Variants in NRXN3 observed in about 807,000 individuals in gnomAD.
NRXN3 encodes the protein neurexin III.
In NRXN3, 32 loss-of-function variants were observed where a neutral mutation model predicts 137.6. That is an observed-to-expected ratio of 0.23 (90% CI 0.18 to 0.31). The LOEUF (loss-of-function observed/expected upper bound fraction) is 0.31, where lower values mean the gene tolerates loss of function less well. NRXN3 is among the 10% of genes least tolerant of loss of function. The pLI is 1.00. For missense variants in NRXN3, 1,574 were observed against 2,062.5 expected (o/e 0.76, Z 4.59); for synonymous variants, 798 against 784.5 (o/e 1.02, Z -0.29).
chr14:78,996,774 C>A (rs964151349), intron 15 of NRXN3, among the ~76,000 whole-genome samples: 1 of 151,976 alleles, frequency 6.6e-6, no homozygotes, highest in Non-Finnish European at 1.5e-5. Context: ...TCCCAGAAGG[C>A]GAGACAGATG....
At chr14:79,731,227 T>G (rs1443740456) in intron 19 of NRXN3, among the ~76,000 whole-genome samples, 1 of 152,160 alleles carries the variant, frequency 6.6e-6, no homozygotes, top group Non-Finnish European at 1.5e-5. Context: ...TTTCCCAGAT[T>G]ACAACAATGC....
At chr14:78,977,602 A>G (rs1437574529) in intron 14 of NRXN3, among the ~76,000 whole-genome samples, 1 of 152,174 alleles carries the variant, frequency 6.6e-6, no homozygotes, top group Non-Finnish European at 1.5e-5. Context: ...GTTGAGGAAG[A>G]AGGCTTCATG....
chr14:79,162,937 C>G (rs1052277013), intron 15 of NRXN3, among the ~76,000 whole-genome samples: 3 of 151,846 alleles, frequency 2.0e-5, no homozygotes, highest in Admixed American at 2.0e-4. Context: ...TCCTCCCATT[C>G]TTTTATTTCT....
chr14:79,820,605 C>T (rs1448997628), intron 20 of NRXN3, among the ~76,000 whole-genome samples: 1 of 152,144 alleles, frequency 6.6e-6, no homozygotes, highest in African/African-American at 2.4e-5. Flanking sequence ...ATCATTTGAT[C>T]ATCTAGGTAT....
At position 78,551,201 on chromosome 14, in the gene NRXN3, A is replaced by G. The variant is rs137997025; in HGVS notation, c.758-93919A>G. 3.0e-3 allele frequency among the ~76,000 whole-genome samples: 455 copies of G among 152,354 alleles called. 3 individuals are homozygous for G. The highest frequency in any genetic ancestry group is 0.01 in the African/African-American group (426 of 41,590). On this transcript the variant is annotated intron_variant, in intron 4 of 20. Transcript: ENST00000335750. ...CCTCCATGTAATCAGAGAAGGGTCC[A>G]CTTAAGGCTCTATTGGCATTTGCTG...
intron 15 of NRXN3, among the ~76,000 whole-genome samples, chr14:79,454,462 C>T (rs1253005896): frequency 2.0e-5 from 3 of 152,030 alleles, no homozygotes; most frequent in Admixed American, 6.6e-5. Context: ...GTGATCTGCC[C>T]ACCTTGGCCT....
rs1486740579 is a variant in NRXN3 at position 79,862,280 on chromosome 14, C to G, written c.*316C>G. On this transcript the variant is annotated 3_prime_UTR_variant, in exon 21 of 21. Coordinates refer to ENST00000335750, the MANE Select transcript of NRXN3 (RefSeq NM_001330195.2). ...ACGGTGGCTCCACCACTTCCGCAGG[C>G]CTGGAAACTTCCTTCTCCGGAGGAC... is the stretch of plus-strand genomic sequence containing the variant. 4.4e-6 allele frequency: 1 copy of G among 229,404 alleles called. No individual in the cohort carries two copies. The highest frequency in any genetic ancestry group is 2.3e-5 in the African/African-American group (1 of 44,276). 14.2% of individuals were successfully genotyped at this position (229,404 alleles called of 1,614,324 possible). A position where few individuals can be genotyped will look rare whatever the true frequency, so the allele number is the denominator to read the frequency against.
rs150403668 is a variant in NRXN3, at chr14:79,726,448, GC to G, written c.4014+28512del. ...TTTTTTTTAAAATCCTCCATTTGCA[GC>G]TTTTTGTACTCTGATCACAATATAT... On this transcript the variant is annotated intron_variant, in intron 19 of 20. Coordinates refer to ENST00000335750, the MANE Select transcript of NRXN3 (RefSeq NM_001330195.2). 5.0e-3 allele frequency among the ~76,000 whole-genome samples: 764 copies of G among 152,110 alleles called. 41 individuals carry two copies. In the East Asian group the frequency reaches 0.13, roughly 25 times the overall value.
intron 3 of NRXN3, among the ~76,000 whole-genome samples, chr14:78,285,163 A>G (rs2075001183): frequency 6.6e-6 from 1 of 152,116 alleles, no homozygotes; most frequent in South Asian, 2.1e-4. Context: ...AGACCATCTG[A>G]CTGAGATACC....
chr14:79,719,251 A>ATGTGTGTG (rs4016617), intron 19 of NRXN3, among the ~76,000 whole-genome samples: 201 of 149,044 alleles, frequency 1.3e-3, no homozygotes, highest in African/African-American at 4.9e-3. Flanking sequence ...ATAGACATAT[A>ATGTGTGTG]TGTGTGTGTG....
At chr14:78,398,427 T>C (rs988212299) in intron 4 of NRXN3, among the ~76,000 whole-genome samples, 2 of 152,128 alleles carry the variant, frequency 1.3e-5, no homozygotes, top group African/African-American at 4.8e-5. Flanking sequence ...GACACTTCTC[T>C]GTCGGGGAAA....
At chr14:79,747,651 G>A (rs2098983694) in intron 19 of NRXN3, among the ~76,000 whole-genome samples, 1 of 152,082 alleles carries the variant, frequency 6.6e-6, no homozygotes, top group African/African-American at 2.4e-5. Context: ...TAACCAATGT[G>A]TCTAATAATC....
Position 79,723,238 on chromosome 14 carries a change from C to T in NRXN3, c.4014+25301C>T, listed in dbSNP as rs531360650. On this transcript the variant is annotated intron_variant, in intron 19 of 20. Transcript: ENST00000335750. ...ACTAGAAGCTTTGTGACTTCTGAGA[C>T]CATGACTGAAGAAAAATGGAAATGA... 3.3e-5 allele frequency among the ~76,000 whole-genome samples: 5 copies of T among 152,098 alleles called. No individual in the cohort carries two copies. The East Asian group carries it at 9.7e-4, about 29-fold the overall frequency.
At chr14:79,505,412 G>C (rs1047727343) in intron 16 of NRXN3, among the ~76,000 whole-genome samples, 5 of 152,038 alleles carry the variant, frequency 3.3e-5, no homozygotes, top group African/African-American at 1.2e-4. Flanking sequence ...AAGCTTCCTG[G>C]TATCAAAATC....
intron 16 of NRXN3, among the ~76,000 whole-genome samples, chr14:79,495,087 T>C (rs1468091376): frequency 6.6e-6 from 1 of 152,194 alleles, no homozygotes; most frequent in Non-Finnish European, 1.5e-5. Context: ...ATTTTACTAC[T>C]TTGGGCTCAT....
intron 10 of NRXN3, among the ~76,000 whole-genome samples, chr14:78,875,316 G>T (rs1287968124): frequency 2.0e-5 from 3 of 152,140 alleles, no homozygotes; most frequent in African/African-American, 7.2e-5. Context: ...ACATTTTTAT[G>T]TACTGCTAAT....
chr14:79,781,598 A>C (rs1362771789), intron 19 of NRXN3, among the ~76,000 whole-genome samples: 1 of 152,250 alleles, frequency 6.6e-6, no homozygotes, highest in African/African-American at 2.4e-5. Flanking sequence ...GTAAGAAAGA[A>C]CTTGATCCTG....
chr14:78,690,275 T>C (rs1267590661), intron 6 of NRXN3, among the ~76,000 whole-genome samples: 1 of 152,162 alleles, frequency 6.6e-6, no homozygotes, highest in African/African-American at 2.4e-5. Context: ...AGACCAAGTA[T>C]AGGATAGCAG....
chr14:79,506,868 G>A (rs971757266), intron 16 of NRXN3, among the ~76,000 whole-genome samples: 2 of 152,264 alleles, frequency 1.3e-5, no homozygotes, highest in South Asian at 2.1e-4. Flanking sequence ...CCTGAGAGGT[G>A]AAAATATGAG....
Sources: gnomAD v4.1 joint callset for allele counts (sites outside exome capture counted in the v4.1 genomes callset) on GRCh38, gnomAD v4.1.1 for gene constraint, MANE v1.5 for transcripts, NCBI Gene and HGNC (gene_info 2026-07-23, HGNC 2026-07-21) for gene names.